Variants in CTSE observed in about 807,000 individuals in gnomAD.
CTSE encodes cathepsin E.
CTSE carries 43 observed loss-of-function variants against 42.8 expected under a neutral mutation model. The observed-to-expected ratio is 1.01, with a 90% CI of 0.79 to 1.30. CTSE has a LOEUF of 1.30. Among genes scored for constraint, CTSE ranks in the 50% most tolerant of loss-of-function variants. CTSE has a pLI of 0.00. For synonymous variants in CTSE, 205 were observed against 191.5 expected, an observed-to-expected ratio of 1.07 and a Z score of -0.58; for missense variants, 532 against 493.5, an observed-to-expected ratio of 1.08 and a Z score of -0.74.
In CTSE at chr1:206,012,287, GAATA is replaced by G; in HGVS notation, c.1026+17_1026+20del. Reference sequence around the variant, plus strand: ...TGTGGGGAGGGCCCTGTGGCCTGCAGAATAAGGAAACAGTTCTTACCAGTAGGGT... The same window carrying G: ...TGTGGGGAGGGCCCTGTGGCCTGCAGAGGAAACAGTTCTTACCAGTAGGGT... On this transcript the variant is annotated intron_variant, in intron 8 of 8. Coordinates refer to ENST00000358184, the MANE Select transcript of CTSE (RefSeq NM_001910.4). The G allele has an allele frequency of 1.2e-6, 2 of 1,600,848 alleles. No individual in the cohort carries two copies. The highest frequency in any genetic ancestry group is 8.6e-7 in the Non-Finnish European group (1 of 1,168,564).
At chr1:206,011,110 C>G (rs1266783633) in intron 8 of CTSE, among the ~76,000 whole-genome samples, 3 of 151,992 alleles carry the variant, frequency 2.0e-5, no homozygotes, top group African/African-American at 7.2e-5. Flanking sequence ...GAAAGAACCA[C>G]TCACTGTACT....
Position 206,010,122 on chromosome 1 carries a change from T to C in CTSE, c.*61A>G, listed in dbSNP as rs782337158. On this transcript the variant is annotated 3_prime_UTR_variant, in exon 9 of 9. Transcript: ENST00000358184. ...AATAACTTTTTGTAGGTGTAAAGAA[T>C]GCCCCAGCCTAACATATTCAAGGTC... 6.2e-7 allele frequency: 1 copy of C among 1,601,146 alleles called. No homozygotes were observed. The highest frequency in any genetic ancestry group is 8.6e-7 in the Non-Finnish European group (1 of 1,169,236).
intron 4 of CTSE, among the ~76,000 whole-genome samples, chr1:206,018,403 C>A (rs1661319018): frequency 6.6e-6 from 1 of 151,778 alleles, no homozygotes; most frequent in African/African-American, 2.4e-5. Flanking sequence ...TTATAATGTC[C>A]TTTTCAAGTT....
Position 206,010,214 on chromosome 1 carries a change from T to C in CTSE, c.1160A>G (p.Asn387Ser). 1 of 1,613,718 alleles carries C rather than the reference T, an allele frequency of 6.2e-7. No homozygotes were observed. The highest frequency in any genetic ancestry group is 1.1e-5 in the South Asian group (1 of 91,060). Residue 387 changes from asparagine (N) to serine (S), a missense_variant, in exon 9 of 9, where the codon AAC (asparagine) becomes AGC (serine). Transcript: ENST00000358184. ...QFYSVFDRGNNRVGLAPAVP is the reference protein window; with the variant it reads ...QFYSVFDRGNSRVGLAPAVP ...GACTGCTGGGGCCAGTCCCACACGG[T>C]TATTCCCACGGTCAAAGACTGAGTA...
At chr1:206,022,394 C>CT (rs1661466243) in intron 2 of CTSE, 127 bp from the exon 3 acceptor site, 3 of 616,610 alleles carry the variant, frequency 4.9e-6, no homozygotes, top group Non-Finnish European at 8.6e-6. Flanking sequence ...GTTTACAGAG[C>CT]CTAGGAAGTG....
chr1:206,010,339 C>T lies in CTSE; in HGVS notation c.1035G>A (p.Val345=), dbSNP rs1661056284. The change falls in exon 9 of 9, where the codon GTG becomes GTA. Residue 345 remains valine (V), a synonymous_variant. Coordinates refer to ENST00000358184, the MANE Select transcript of CTSE (RefSeq NM_001910.4). The part of the protein sequence containing the change: ...SPTAYTLLDF[V]DGMQFCSSGF... ...CACTGCTGCAGAACTGCATTCCATC[C>T]ACGAAGTCCTGTGGGTTGGAAAGAA... The T allele has an allele frequency of 1.2e-6, 2 of 1,613,078 alleles. No individual in the cohort carries two copies. Among genetic ancestry groups the T allele is most frequent in the South Asian group, 2.2e-5 (2 of 91,054 alleles).
Position 206,023,032 on chromosome 1 carries a change from G to A in CTSE, c.94C>T (p.Leu32Phe). Residue 32 changes from leucine to phenylalanine, a missense_variant, in exon 2 of 9, where the codon CTC (leucine) becomes TTC (phenylalanine). Transcript: ENST00000358184. ...CTCCGTGCCCGCAGCTTCTTCTTGA[G>A]GGACGGATGCCTCCTGAGGGGCACC... ...HRVPLRRHPS[L>F]KKKLRARSQL... 1 of 1,613,144 alleles carries A rather than the reference G, an allele frequency of 6.2e-7. No individual in the cohort carries two copies. The highest frequency in any genetic ancestry group is 8.5e-7 in the Non-Finnish European group (1 of 1,179,456).
At chr1:206,015,057 A>G (rs1168365066) in intron 5 of CTSE, among the ~76,000 whole-genome samples, 1 of 152,112 alleles carries the variant, frequency 6.6e-6, no homozygotes, top group Non-Finnish European at 1.5e-5. Context: ...CCCTCCAAGG[A>G]TGCCGGGCAA....
At chr1:206,020,224 A>G (rs781859985) in intron 4 of CTSE, among the ~76,000 whole-genome samples, 1 of 150,578 alleles carries the variant, frequency 6.6e-6, no homozygotes, top group Non-Finnish European at 1.5e-5. Context: ...ACACGCATAC[A>G]TAGTTCCAAT....
chr1:206,013,901 G>A lies in CTSE; in HGVS notation c.663-7C>T, dbSNP rs568638358. ...CGCACCACCTTCTGGGTTACTACAT[G>A]GAGAGAAAGACAAACTGTCCAGGAA... On this transcript the variant is annotated splice_region_variant and splice_polypyrimidine_tract_variant and intron_variant, in intron 5 of 8. Coordinates refer to ENST00000358184, the MANE Select transcript of CTSE (RefSeq NM_001910.4). 1.2e-6 allele frequency: 2 copies of A among 1,613,284 alleles called. No homozygotes were observed. Among genetic ancestry groups the A allele is most frequent in the South Asian group, 1.1e-5 (1 of 91,050 alleles).
chr1:206,012,710 C>A, intron 6 of CTSE, 61 bp from the exon 7 acceptor site: 1 of 1,586,162 alleles, frequency 6.3e-7, no homozygotes, highest in Non-Finnish European at 8.6e-7. Context: ...GAAACTCCCA[C>A]TCTTTTTTGG....
intron 5 of CTSE, chr1:206,014,118 T>C: frequency 2.0e-6 from 1 of 512,500 alleles, no homozygotes; most frequent in Non-Finnish European, 3.5e-6. Flanking sequence ...TGTGAATGTG[T>C]TTCTGCTTCT....
At chr1:206,020,185 T>C (rs1661376879) in intron 4 of CTSE, among the ~76,000 whole-genome samples, 1 of 148,404 alleles carries the variant, frequency 6.7e-6, no homozygotes, top group South Asian at 2.1e-4. Flanking sequence ...TATTATATAT[T>C]ATATATTATA....
chr1:206,016,178 T>C (rs1270039521), intron 4 of CTSE, 48 bp from the exon 5 acceptor site: 6 of 1,571,646 alleles, frequency 3.8e-6, no homozygotes, highest in Non-Finnish European at 5.3e-6. Flanking sequence ...CACAGGGGAT[T>C]GCTGGCAAAG....
chr1:206,022,861 G>C (rs782354937), intron 2 of CTSE, 40 bp downstream of exon 2: 2 of 1,518,926 alleles, frequency 1.3e-6, no homozygotes, highest in South Asian at 1.3e-5. Context: ...CCTTCCTCCC[G>C]CTCCCACCTC....
At chr1:206,013,468 C>T (rs1553277338) in intron 6 of CTSE, among the ~76,000 whole-genome samples, 1 of 152,008 alleles carries the variant, frequency 6.6e-6, no homozygotes, top group African/African-American at 2.4e-5. Flanking sequence ...TGCAACCCCC[C>T]ATGTTACTCA....
chr1:206,020,930 A>G, intron 4 of CTSE, 119 bp downstream of exon 4: 1 of 733,938 alleles, frequency 1.4e-6, no homozygotes, highest in South Asian at 1.7e-5. Flanking sequence ...CCTTTCTCCT[A>G]GAAGTTAGTG....
rs782694621 is a variant in CTSE, at chr1:206,013,849, G to A, written c.708C>T (p.Tyr236=). The change falls in exon 6 of 9, where the codon TAC becomes TAT. Residue 236 remains tyrosine (Y), a synonymous_variant. Coordinates refer to ENST00000358184, the MANE Select transcript of CTSE (RefSeq NM_001910.4). ...GAGSELIFGG[Y]DHSHFSGSLN... ...GGCTCCCAGAGAAATGGGAGTGGTC[G>A]TAGCCTCCAAAAATCAGCTCGCTCC... 32 of 1,613,558 alleles carry A rather than the reference G, an allele frequency of 2.0e-5. 2 individuals are homozygous for A. The highest frequency in any genetic ancestry group is 1.3e-4 in the East Asian group (6 of 44,888).
chr1:206,020,565 G>T lies in CTSE; in HGVS notation c.462+484C>A, dbSNP rs529340693. Among the ~76,000 whole-genome samples the T allele has an allele frequency of 2.0e-5, 3 of 152,190 alleles. No homozygotes were observed. In the South Asian group the frequency reaches 6.2e-4, roughly 32 times the overall value. ...GTCAGAGGGTCAGAGGTCAGAGGGA[G>T]TTTGAGGAACAGCTCATGAGCTCAG... On this transcript the variant is annotated intron_variant, in intron 4 of 8. Transcript: ENST00000358184.
Sources: allele counts gnomAD v4.1 joint callset (sites outside exome capture counted in the v4.1 genomes callset), GRCh38; gene constraint gnomAD v4.1.1; transcripts MANE v1.5; gene names NCBI Gene and HGNC (gene_info 2026-07-23, HGNC 2026-07-21).